DENND10: variants seen among roughly 807,000 people sequenced by gnomAD.
DENND10 encodes the protein DENN domain containing 10, also known as DENN domain-containing protein 10.
In DENND10, 24 loss-of-function variants were observed where a neutral mutation model predicts 43.6. That is an observed-to-expected ratio of 0.55 (90% CI 0.40 to 0.77). The LOEUF (loss-of-function observed/expected upper bound fraction) is 0.77. DENND10 is among the 30% of genes least tolerant of loss of function. DENND10 has a pLI of 0.00. For missense variants in DENND10, 303 were observed against 429.9 expected, an observed-to-expected ratio of 0.70 and a Z score of 2.61; for synonymous variants, 125 against 157.6, an observed-to-expected ratio of 0.79 and a Z score of 1.55.
intron 3 of DENND10, among the ~76,000 whole-genome samples, chr10:119,116,484 C>G (rs1456554785): frequency 3.3e-5 from 5 of 152,024 alleles, no homozygotes; most frequent in Non-Finnish European, 7.4e-5. Flanking sequence ...GACTGAGAAC[C>G]CCAGTTGTGA....
rs981992297 is a variant in DENND10, at chr10:119,106,726, C to T, written c.56-1242C>T. 3.9e-5 allele frequency among the ~76,000 whole-genome samples: 6 copies of T among 152,120 alleles called. No individual in the cohort carries two copies. The East Asian group carries it at 5.8e-4, about 15-fold the overall frequency. On this transcript the variant is annotated intron_variant, in intron 1 of 8. Transcript: ENST00000361432. Reference sequence around the variant, plus strand: ...TTTTCTTCATCTCTGGTTTTGTTTTCGACAAACCTTTTCTATGTATTTATT... The same window carrying T: ...TTTTCTTCATCTCTGGTTTTGTTTTTGACAAACCTTTTCTATGTATTTATT...
intron 3 of DENND10, among the ~76,000 whole-genome samples, chr10:119,116,516 C>T (rs960730816): frequency 2.0e-5 from 3 of 152,124 alleles, no homozygotes; most frequent in African/African-American, 7.2e-5. Flanking sequence ...AGGATAAGTG[C>T]ACAACATTCT....
intron 1 of DENND10, 27 bp downstream of exon 1, chr10:119,104,224 A>C: frequency 6.7e-7 from 1 of 1,502,412 alleles, no homozygotes; most frequent in Non-Finnish European, 8.9e-7. Context: ...CCTGCCTGGA[A>C]GCCCGCACCC....
intron 2 of DENND10, among the ~76,000 whole-genome samples, 167 bp from the exon 3 acceptor site, chr10:119,111,682 A>G (rs1279329431): frequency 2.0e-5 from 3 of 152,190 alleles, no homozygotes; most frequent in Admixed American, 1.3e-4. Flanking sequence ...TATGTAATAC[A>G]TATGCACATG....
chr10:119,117,717 C>G (rs1341907850), intron 4 of DENND10, 50 bp downstream of exon 4: 1 of 1,594,710 alleles, frequency 6.3e-7, no homozygotes, highest in Non-Finnish European at 8.6e-7. Context: ...CCTGTAATCC[C>G]AACACTTTGG....
At chr10:119,127,085 G>T (rs11198791) in intron 6 of DENND10, among the ~76,000 whole-genome samples, 84,865 of 142,946 alleles carry the variant, frequency 0.59, 24,195 homozygotes, top group South Asian at 0.68. Flanking sequence ...TTTTTTTTTT[G>T]GTAGAGATAA....
Position 119,129,570 on chromosome 10 carries a change from T to C in DENND10, c.750T>C (p.Asp250=), listed in dbSNP as rs764612817. 6.2e-7 allele frequency: 1 copy of C among 1,614,008 alleles called. No homozygotes were observed. The highest frequency in any genetic ancestry group is 8.5e-7 in the Non-Finnish European group (1 of 1,179,838). ...TGAGCAACAGACCAGACCTCTATGA[T>C]GTGTTTGTGAATCTGGCAGAGAGTG... ...LEVSNRPDLY[D]VFVNLAESEI... Residue 250 remains aspartate (D), a synonymous_variant, in exon 7 of 9, where the codon GAT becomes GAC. Coordinates refer to ENST00000361432, the MANE Select transcript of DENND10 (RefSeq NM_207009.4).
In DENND10 at chr10:119,129,641, T is replaced by G; in HGVS notation, c.802+19T>G. ...GCAAAAGGTTTGTTCTCTGTTCTGTTCTTGATACAAGATATAAGCCAAACA... is the reference window on the plus strand; with the variant it reads ...GCAAAAGGTTTGTTCTCTGTTCTGTGCTTGATACAAGATATAAGCCAAACA... On this transcript the variant is annotated intron_variant, in intron 7 of 8. Transcript: ENST00000361432. The G allele has an allele frequency of 6.5e-7, 1 of 1,536,514 alleles. No individual in the cohort carries two copies. The highest frequency in any genetic ancestry group is 9.0e-7 in the Non-Finnish European group (1 of 1,109,304).
At chr10:119,134,718 T>C (rs1411602396) in intron 8 of DENND10, 1 of 152,196 alleles carries the variant, frequency 6.6e-6, no homozygotes, top group East Asian at 1.9e-4. Context: ...AAAGCCTGCG[T>C]GGCAGGTGCC....
chr10:119,111,985 T>C (rs1844999516), intron 3 of DENND10, 57 bp downstream of exon 3: 2 of 1,279,000 alleles, frequency 1.6e-6, no homozygotes, highest in African/African-American at 1.5e-5. Context: ...TTAGTATAGT[T>C]ACATAGCAGA....
Position 119,115,382 on chromosome 10 carries a change from A to ATTTTTTTTTT in DENND10, c.333-2123_333-2114dup, listed in dbSNP as rs397845392. Among the ~76,000 whole-genome samples, 223 of 48,406 alleles carry ATTTTTTTTTT rather than the reference A, an allele frequency of 4.6e-3. 18 individuals are homozygous for ATTTTTTTTTT. Among genetic ancestry groups the ATTTTTTTTTT allele is most frequent in the African/African-American group, 0.013 (209 of 15,832 alleles). The allele number at this position is 48,406 out of a possible 152,430, so 31.8% of individuals were successfully genotyped here. ...CGTCAAGTTGTGAATTGAATTGGTA[A>ATTTTTTTTTT]TTTTTTTTTTTTTTTTTTTTTTTGA... On this transcript the variant is annotated intron_variant, in intron 3 of 8. Transcript: ENST00000361432.
At chr10:119,108,889 A>C (rs993280100) in intron 2 of DENND10, among the ~76,000 whole-genome samples, 2 of 151,918 alleles carry the variant, frequency 1.3e-5, no homozygotes, top group African/African-American at 4.8e-5. Context: ...TCCTGACCTC[A>C]GGTGATGCAC....
intron 4 of DENND10, among the ~76,000 whole-genome samples, chr10:119,118,818 ACAC>A (rs1845418446): frequency 6.8e-6 from 1 of 146,944 alleles, no homozygotes; most frequent in Non-Finnish European, 1.5e-5. Flanking sequence ...CTACAGGTGC[ACAC>A]CACCATGCCC....
rs397845392 is a variant in DENND10 at position 119,115,382 on chromosome 10, A to ATT, written c.333-2115_333-2114dup. Among the ~76,000 whole-genome samples, 81 of 48,398 alleles carry ATT rather than the reference A, an allele frequency of 1.7e-3. 8 individuals carry two copies. The East Asian group carries it at 0.029, about 17-fold the overall frequency. 31.8% of individuals were successfully genotyped at this position (48,398 alleles called of 152,430 possible). A position where few individuals can be genotyped will look rare whatever the true frequency, so the allele number is the denominator to read the frequency against. On this transcript the variant is annotated intron_variant, in intron 3 of 8. Transcript: ENST00000361432. The stretch of plus-strand genomic sequence containing the variant: ...CGTCAAGTTGTGAATTGAATTGGTA[A>ATT]TTTTTTTTTTTTTTTTTTTTTTTGA...
At position 119,111,924 on chromosome 10, in the gene DENND10, T is replaced by C; in HGVS notation, c.328T>C (p.Cys110Arg). Reference sequence around the variant, plus strand: ...GTATGCTGCCTTCACTAGGATATTGTGTAGGTCTGTATAAAAATTGTATTA... The same window carrying C: ...GTATGCTGCCTTCACTAGGATATTGCGTAGGTCTGTATAAAAATTGTATTA... Reference protein sequence around the residue: ...EKYAAFTRILCRMYLKHGSPV... With the variant: ...EKYAAFTRILRRMYLKHGSPV... The change falls in exon 3 of 9, where the codon TGT (cysteine) becomes CGT (arginine). Residue 110 changes from cysteine (C) to arginine (R), a missense_variant. Physicochemically the swap from Cys to Arg is radical, Grantham distance 180. Coordinates refer to ENST00000361432, the MANE Select transcript of DENND10 (RefSeq NM_207009.4). 6.2e-7 allele frequency: 1 copy of C among 1,604,282 alleles called. No homozygotes were observed. Among genetic ancestry groups the C allele is most frequent in the Non-Finnish European group, 8.5e-7 (1 of 1,171,212 alleles).
At chr10:119,109,507 A>C (rs1844877149) in intron 2 of DENND10, among the ~76,000 whole-genome samples, 1 of 152,216 alleles carries the variant, frequency 6.6e-6, no homozygotes, top group Admixed American at 6.6e-5. Flanking sequence ...CTAGAATACC[A>C]GCTTAAATTT....
chr10:119,107,939 T>A, intron 1 of DENND10, 29 bp from the exon 2 acceptor site: 1 of 1,605,604 alleles, frequency 6.2e-7, no homozygotes, highest in Non-Finnish European at 8.5e-7. Flanking sequence ...CTGTTTGACA[T>A]TCTCACAGTG....
At chr10:119,114,264 G>GCACA (rs58128960) in intron 3 of DENND10, 74,009 of 149,822 alleles carry the variant, frequency 0.49, 18,555 homozygotes, top group Middle Eastern at 0.63. Context: ...CCAAGTATTT[G>GCACA]CACACACACA....
In DENND10 at chr10:119,132,459, T is replaced by TG; in HGVS notation, c.803-54dup. ...GTGGTCTTCCAAGTTTTCAGATAGA[T>TG]GGCATGATTATTTTTTATGTCGATT... is the stretch of plus-strand genomic sequence containing the variant. On this transcript the variant is annotated intron_variant, in intron 7 of 8. Coordinates refer to ENST00000361432, the MANE Select transcript of DENND10 (RefSeq NM_207009.4). This position sits in a 1 kb window ranked among gnomAD's most constrained non-coding sequence, Gnocchi z 4.2. The TG allele has an allele frequency of 1.4e-6, 2 of 1,441,682 alleles. No homozygotes were observed. Among genetic ancestry groups the TG allele is most frequent in the Non-Finnish European group, 2.0e-6 (2 of 1,023,460 alleles). The allele number at this position is 1,441,682 out of a possible 1,614,324, so 89.3% of individuals were successfully genotyped here.
Sources: allele counts gnomAD v4.1 joint callset (sites outside exome capture counted in the v4.1 genomes callset), GRCh38; gene constraint gnomAD v4.1.1; non-coding constraint Gnocchi (gnomAD v3.1); transcripts MANE v1.5; gene names NCBI Gene and HGNC (gene_info 2026-07-23, HGNC 2026-07-21).